HEY1: variants seen among roughly 807,000 people sequenced by gnomAD.
HEY1 encodes the protein hairy/enhancer-of-split related with YRPW motif protein 1.
In HEY1, 9 loss-of-function variants were observed where a neutral mutation model predicts 28.7. That is an observed-to-expected ratio of 0.31 (90% CI 0.19 to 0.55). The LOEUF is 0.55. Among genes scored for constraint, HEY1 ranks in the 20% least tolerant of loss-of-function variants. The probability of loss-of-function intolerance (pLI) is 0.93; values close to 1 mark genes in which losing one functional copy is unlikely to be tolerated. For synonymous variants in HEY1, 213 were observed against 175.6 expected, an observed-to-expected ratio of 1.21 and a Z score of -1.68; for missense variants, 385 against 399.4, an observed-to-expected ratio of 0.96 and a Z score of 0.31.
At chr8:79,767,474 C>A in intron 1 of HEY1, 101 bp downstream of exon 1, 3 of 1,264,650 alleles carry the variant, frequency 2.4e-6, no homozygotes, top group Non-Finnish European at 3.3e-6. Flanking sequence ...GAGGTCAGCG[C>A]AGGGCACCGG....
At chr8:79,766,132 A>G in intron 4 of HEY1, 1 of 1,121,686 alleles carries the variant, frequency 8.9e-7, no homozygotes, top group Non-Finnish European at 1.3e-6. Context: ...GATGTAAGTT[A>G]TCATCGCGGA....
intron 4 of HEY1, chr8:79,766,367 C>G: frequency 6.8e-7 from 1 of 1,472,206 alleles, no homozygotes; most frequent in East Asian, 2.5e-5. Flanking sequence ...TGAAAGCTAC[C>G]TGATCTGAAT....
chr8:79,766,808 T>C, intron 3 of HEY1, 76 bp from the exon 4 acceptor site: 1 of 1,463,590 alleles, frequency 6.8e-7, no homozygotes. Flanking sequence ...CAAACATATA[T>C]ACAAAGATAC....
chr8:79,767,758 C>T lies in HEY1; in HGVS notation c.-95G>A, dbSNP rs767533786. 24 of 838,470 alleles carry T rather than the reference C, an allele frequency of 2.9e-5. No homozygotes were observed. Among genetic ancestry groups the T allele is most frequent in the East Asian group, 5.3e-5 (2 of 37,696 alleles). The allele number at this position is 838,470 out of a possible 1,614,324, so 51.9% of individuals were successfully genotyped here. On this transcript the variant is annotated 5_prime_UTR_variant, in exon 1 of 5. Transcript: ENST00000354724. ...TCTCCGCTCTCGGCTGCTTGCGTTC[C>T]GCACACACTGATCCCGCTCACGCTT...
At position 79,765,887 on chromosome 8, in the gene HEY1, G is replaced by T. The variant is rs57799278; in HGVS notation, c.332-116C>A. On this transcript the variant is annotated intron_variant, in intron 4 of 4. Transcript: ENST00000354724. ...GCATCCCTTAAAACACAACAGTCAG[G>T]GGTTCTTCCGAAAGTCTTTGGAATC... 634 of 889,262 alleles carry T rather than the reference G, an allele frequency of 7.1e-4. 1 individual carries two copies. In the African/African-American group the frequency reaches 9.7e-3, roughly 14 times the overall value. 55.1% of individuals were successfully genotyped at this position (889,262 alleles called of 1,614,324 possible). A position where few individuals can be genotyped will look rare whatever the true frequency, so the allele number is the denominator to read the frequency against.
At position 79,767,709 on chromosome 8, in the gene HEY1, G is replaced by A. The variant is rs1427088329; in HGVS notation, c.-46C>T. ...TGGGGAGGGTCGGCGCGGCGGGCAG[G>A]GAGGAGTTAACTACAGCGGCGCCTC... On this transcript the variant is annotated 5_prime_UTR_variant, in exon 1 of 5. Transcript: ENST00000354724. 3.4e-6 allele frequency: 5 copies of A among 1,451,112 alleles called. No homozygotes were observed. Among genetic ancestry groups the A allele is most frequent in the Non-Finnish European group, 4.7e-6 (5 of 1,061,500 alleles). 89.9% of individuals were successfully genotyped at this position (1,451,112 alleles called of 1,614,324 possible). A position where few individuals can be genotyped will look rare whatever the true frequency, so the allele number is the denominator to read the frequency against.
rs753264848 is a variant in HEY1 at position 79,766,735 on chromosome 8, A to G, written c.250-3T>C. 1 of 1,614,022 alleles carries G rather than the reference A, an allele frequency of 6.2e-7. No individual in the cohort carries two copies. The highest frequency in any genetic ancestry group is 1.1e-5 in the South Asian group (1 of 91,080). On this transcript the variant is annotated splice_polypyrimidine_tract_variant and splice_region_variant and intron_variant, in intron 3 of 4. Coordinates refer to ENST00000354724, the MANE Select transcript of HEY1 (RefSeq NM_012258.4). ...GCTTTTTCTAGCTTAGCAGATCCCT[A>G]AAGATGAGAATGGCAAAAGATTGAT...
rs1807779268 is a variant in HEY1, at chr8:79,764,501, T to C, written c.*687A>G. On this transcript the variant is annotated 3_prime_UTR_variant, in exon 5 of 5. Coordinates refer to ENST00000354724, the MANE Select transcript of HEY1 (RefSeq NM_012258.4). ...TATCAGCGGCTCTCTCCTAACTAAATCAGAACTGCCAGTCCTGGCAGATAC... is the reference window on the plus strand; with the variant it reads ...TATCAGCGGCTCTCTCCTAACTAAACCAGAACTGCCAGTCCTGGCAGATAC... 1 of 227,188 alleles carries C rather than the reference T, an allele frequency of 4.4e-6. No individual in the cohort carries two copies. The highest frequency in any genetic ancestry group is 1.8e-4 in the South Asian group (1 of 5,484). 14.1% of individuals were successfully genotyped at this position (227,188 alleles called of 1,614,324 possible). A position where few individuals can be genotyped will look rare whatever the true frequency, so the allele number is the denominator to read the frequency against.
At position 79,765,666 on chromosome 8, in the gene HEY1, G is replaced by C. The variant is rs751024709; in HGVS notation, c.437C>G (p.Ala146Gly). 3 of 1,614,262 alleles carry C rather than the reference G, an allele frequency of 1.9e-6. No individual in the cohort carries two copies. Among genetic ancestry groups the C allele is most frequent in the Non-Finnish European group, 2.5e-6 (3 of 1,180,038 alleles). ...RYLSIIEGLD[A>G]SDPLRVRLVS... is the part of the protein sequence containing the mutation. ...CAGTCGAACTCGAAGCGGGTCAGAG[G>C]CATCTAGTCCTTCAATGATGCTCAG... The change falls in exon 5 of 5, where the codon GCC (alanine) becomes GGC (glycine). Residue 146 changes from alanine to glycine, a missense_variant. Coordinates refer to ENST00000354724, the MANE Select transcript of HEY1 (RefSeq NM_012258.4).
chr8:79,767,078 G>A lies in HEY1; in HGVS notation c.180C>T (p.Arg60=), dbSNP rs1421316181. The change falls in exon 3 of 5, where the codon CGC becomes CGT. Residue 60 remains arginine (R), a synonymous_variant. Transcript: ENST00000354724. ...RKRRRGIIEK[R]RRDRINNSLS... ...AACTGTTATTGATCCGGTCTCGTCG[G>A]CGCTTCTCAATTATCTGCAGAAGGC... The A allele has an allele frequency of 6.2e-7, 1 of 1,613,820 alleles. No individual in the cohort carries two copies. Among genetic ancestry groups the A allele is most frequent in the Non-Finnish European group, 8.5e-7 (1 of 1,179,956 alleles).
Position 79,765,115 on chromosome 8 carries a change from T to G in HEY1, c.*73A>C, listed in dbSNP as rs756280103. Reference sequence around the variant, plus strand: ...TCCTTTTTACTTTTACTGACGACTTTAAGGTGATGTTGGCAACAGTCCAGC... The same window carrying G: ...TCCTTTTTACTTTTACTGACGACTTGAAGGTGATGTTGGCAACAGTCCAGC... On this transcript the variant is annotated 3_prime_UTR_variant, in exon 5 of 5. Coordinates refer to ENST00000354724, the MANE Select transcript of HEY1 (RefSeq NM_012258.4). 81 of 1,057,872 alleles carry G rather than the reference T, an allele frequency of 7.7e-5. No individual in the cohort carries two copies. Among genetic ancestry groups the G allele is most frequent in the Non-Finnish European group, 1.1e-4 (80 of 754,384 alleles). 65.5% of individuals were successfully genotyped at this position (1,057,872 alleles called of 1,614,324 possible).
chr8:79,766,994 T>A lies in HEY1; in HGVS notation c.249+15A>T. The A allele has an allele frequency of 6.2e-7, 1 of 1,605,358 alleles. No homozygotes were observed. Among genetic ancestry groups the A allele is most frequent in the South Asian group, 1.1e-5 (1 of 90,906 alleles). On this transcript the variant is annotated intron_variant, in intron 3 of 4. Coordinates refer to ENST00000354724, the MANE Select transcript of HEY1 (RefSeq NM_012258.4). ...AGATAGCTATGCTGAGAGCTTTACC[T>A]ACTTGCTCCATTACCTGCTTCTCAA...
In HEY1 at chr8:79,767,092, T is replaced by C; in HGVS notation, c.166A>G (p.Ile56Val). 6.2e-7 allele frequency: 1 copy of C among 1,613,474 alleles called. No homozygotes were observed. The highest frequency in any genetic ancestry group is 8.5e-7 in the Non-Finnish European group (1 of 1,179,526). ...QILARKRRRG[I>V]IEKRRRDRIN... The stretch of plus-strand genomic sequence containing the variant: ...CGGTCTCGTCGGCGCTTCTCAATTA[T>C]CTGCAGAAGGCAAGCAAAACAAAGG... The change falls in exon 3 of 5, where the codon ATA (isoleucine) becomes GTA (valine). Residue 56 changes from isoleucine (I) to valine (V), a missense_variant and splice_region_variant. Ile to Val is a conservative substitution (Grantham distance 29). Coordinates refer to ENST00000354724, the MANE Select transcript of HEY1 (RefSeq NM_012258.4).
chr8:79,765,554 G>A lies in HEY1; in HGVS notation c.549C>T (p.Val183=), dbSNP rs267602012. 3.1e-6 allele frequency: 5 copies of A among 1,614,086 alleles called. No homozygotes were observed. The highest frequency in any genetic ancestry group is 1.1e-5 in the South Asian group (1 of 91,086). The part of the protein sequence containing the change: ...AGLGHIPWGT[V]FGHHPHIAHP... ...GCGCGATGTGCGGGTGATGTCCGAAGACGGTCCCCCAGGGAATGTGTCCGA... is the reference window on the plus strand; with the variant it reads ...GCGCGATGTGCGGGTGATGTCCGAAAACGGTCCCCCAGGGAATGTGTCCGA... The change falls in exon 5 of 5, where the codon GTC becomes GTT. Residue 183 remains valine, a synonymous_variant. Coordinates refer to ENST00000354724, the MANE Select transcript of HEY1 (RefSeq NM_012258.4).
In HEY1 at chr8:79,765,764, A is replaced by C; in HGVS notation, c.339T>G (p.Phe113Leu). The C allele has an allele frequency of 6.2e-7, 1 of 1,602,882 alleles. No individual in the cohort carries two copies. Among genetic ancestry groups the C allele is most frequent in the East Asian group, 2.2e-5 (1 of 44,542 alleles). The part of the protein sequence containing the change: ...MLHTAGGKGY[F>L]DAHALAMDYR... ...AGTCCATAGCAAGGGCGTGCGCGTC[A>C]AAGTAACCTAAGCAAAAGAACAAAA... Residue 113 changes from phenylalanine to leucine, a missense_variant, in exon 5 of 5, where the codon TTT (phenylalanine) becomes TTG (leucine). Transcript: ENST00000354724.
rs1807799522 is a variant in HEY1, at chr8:79,765,268, G to A, written c.835C>T (p.Leu279=). The change falls in exon 5 of 5, where the codon CTG becomes TTG. Residue 279 remains leucine (L), a synonymous_variant. Coordinates refer to ENST00000354724, the MANE Select transcript of HEY1 (RefSeq NM_012258.4). ...GSFHLLSPNA[L]SPSAPTQAAN... is the part of the protein sequence containing the mutation. ...GCCTGCGTGGGTGCTGAAGGGCTCAGTGCATTGGGAGACAGTAAGTGGAAG... is the reference window on the plus strand; with the variant it reads ...GCCTGCGTGGGTGCTGAAGGGCTCAATGCATTGGGAGACAGTAAGTGGAAG... The A allele has an allele frequency of 6.4e-7, 1 of 1,555,120 alleles. No homozygotes were observed. Among genetic ancestry groups the A allele is most frequent in the Non-Finnish European group, 8.7e-7 (1 of 1,148,452 alleles).
rs770157394 is a variant in HEY1 at position 79,765,440 on chromosome 8, C to G, written c.663G>C (p.Ser221=). ...TEPHHQGRLG[S]AHPEAPALRA... ...GCAAAGCAGGCGCCTCCGGATGTGC[C>G]GAGCCCAGCCTGCCCTGGTGGTGCG... Residue 221 remains serine, a synonymous_variant, in exon 5 of 5, where the codon TCG becomes TCC. Coordinates refer to ENST00000354724, the MANE Select transcript of HEY1 (RefSeq NM_012258.4). 2.5e-6 allele frequency: 4 copies of G among 1,612,512 alleles called. No individual in the cohort carries two copies. Among genetic ancestry groups the G allele is most frequent in the Non-Finnish European group, 3.4e-6 (4 of 1,179,342 alleles).
chr8:79,764,868 C>T lies in HEY1; in HGVS notation c.*320G>A, dbSNP rs1033220011. 4 of 253,924 alleles carry T rather than the reference C, an allele frequency of 1.6e-5. No individual in the cohort carries two copies. The highest frequency in any genetic ancestry group is 6.5e-5 in the African/African-American group (3 of 45,986). 15.7% of individuals were successfully genotyped at this position (253,924 alleles called of 1,614,324 possible). A position where few individuals can be genotyped will look rare whatever the true frequency, so the allele number is the denominator to read the frequency against. On this transcript the variant is annotated 3_prime_UTR_variant, in exon 5 of 5. Transcript: ENST00000354724. ...GATTCCCCAAATTTTGAGGCAAAAA[C>T]GGAATCATTCTGGTTTACAAAGTAA...
intron 4 of HEY1, chr8:79,766,165 G>C: frequency 6.8e-7 from 1 of 1,479,772 alleles, no homozygotes; most frequent in Non-Finnish European, 9.0e-7. Context: ...TTGGACCTCA[G>C]TAAAGCATTT....
Sources: allele counts gnomAD v4.1 joint callset, GRCh38; gene constraint gnomAD v4.1.1; transcripts MANE v1.5; gene names NCBI Gene and HGNC (gene_info 2026-07-23, HGNC 2026-07-21).